The following DGKG variants were observed in gnomAD, a reference collection of about 807,000 sequenced individuals.
DGKG encodes the protein DAG kinase gamma.
DGKG carries 78 observed loss-of-function variants against 105.3 expected under a neutral mutation model. The ratio of observed to expected loss-of-function variants is 0.74; its 90% CI spans 0.62 to 0.89. The LOEUF is 0.89. Ranked by LOEUF, DGKG falls within the 40% of genes least tolerant of loss-of-function variation. DGKG has a pLI of 0.00. For synonymous variants in DGKG, 346 were observed against 367.1 expected (o/e 0.94, Z 0.66); for missense variants, 958 against 1,020.1 (o/e 0.94, Z 0.83).
At position 186,269,895 on chromosome 3, in the gene DGKG, G is replaced by T. The variant is rs539487421; in HGVS notation, c.1000-978C>A. On this transcript the variant is annotated intron_variant, in intron 11 of 24. Transcript: ENST00000265022. ...TGTCAGTGCGGCTAAAGCAAGAGCA[G>T]CTGGCTAGTAGCCCCACTGTCTGGG... Among the ~76,000 whole-genome samples the T allele has an allele frequency of 3.5e-4, 53 of 152,280 alleles. 1 individual carries two copies. Among genetic ancestry groups the T allele is most frequent in the Admixed American group, 2.4e-3 (36 of 15,300 alleles).
At chr3:186,214,489 G>T (rs1278147164) in intron 20 of DGKG, among the ~76,000 whole-genome samples, 1 of 152,120 alleles carries the variant, frequency 6.6e-6, no homozygotes, top group Non-Finnish European at 1.5e-5. Context: ...AGATAAGGAT[G>T]TGTAGCTATA....
intron 1 of DGKG, among the ~76,000 whole-genome samples, chr3:186,327,911 C>T (rs1350758063): frequency 6.6e-6 from 1 of 152,172 alleles, no homozygotes; most frequent in Non-Finnish European, 1.5e-5. Context: ...AAAGAGCTGT[C>T]TCCTTAGCTA....
chr3:186,346,622 A>G (rs1726342767), intron 1 of DGKG, among the ~76,000 whole-genome samples: 1 of 144,810 alleles, frequency 6.9e-6, no homozygotes, highest in African/African-American at 2.9e-5. Flanking sequence ...ACCTACATCA[A>G]ATTTCAAGAA....
chr3:186,344,508 CACTT>C (rs1245155672), intron 1 of DGKG, among the ~76,000 whole-genome samples: 4 of 152,190 alleles, frequency 2.6e-5, no homozygotes, highest in Non-Finnish European at 5.9e-5. Context: ...TACATGTTCT[CACTT>C]ACAAGTGGGA....
At chr3:186,270,495 G>T (rs748482568) in intron 11 of DGKG, among the ~76,000 whole-genome samples, 2 of 152,160 alleles carry the variant, frequency 1.3e-5, no homozygotes, top group Non-Finnish European at 2.9e-5. Context: ...GAATGTTTTT[G>T]GCAAAATTAT....
chr3:186,188,457 C>T lies in DGKG; in HGVS notation c.1918-78G>A, dbSNP rs1016792662. 10 of 1,267,368 alleles carry T rather than the reference C, an allele frequency of 7.9e-6. No homozygotes were observed. The African/African-American group carries it at 1.0e-4, about 13-fold the overall frequency. The allele number at this position is 1,267,368 out of a possible 1,614,324, so 78.5% of individuals were successfully genotyped here. The stretch of plus-strand genomic sequence containing the variant: ...CCAAGGTGCTCTGTGTGTGTGCGTG[C>T]GTGTGTGTGTGTGTACTCTCTTAAA... On this transcript the variant is annotated intron_variant, in intron 21 of 24. Transcript: ENST00000265022.
intron 24 of DGKG, chr3:186,160,369 T>G: frequency 1.0e-6 from 1 of 985,330 alleles, no homozygotes; most frequent in Non-Finnish European, 1.2e-6. Flanking sequence ...TAAAAGGAAC[T>G]TGGATAGATT....
chr3:186,310,605 A>T (rs928410854), intron 2 of DGKG, among the ~76,000 whole-genome samples: 1 of 152,190 alleles, frequency 6.6e-6, no homozygotes, highest in Non-Finnish European at 1.5e-5. Flanking sequence ...TCATCTTAAG[A>T]CAGAAAAGAA....
intron 1 of DGKG, among the ~76,000 whole-genome samples, chr3:186,351,583 T>C (rs1726632505): frequency 6.6e-6 from 1 of 152,238 alleles, no homozygotes; most frequent in Admixed American, 6.5e-5. Context: ...GAGAAGGGAA[T>C]GATCCCTTGG....
chr3:186,268,932 C>T lies in DGKG; in HGVS notation c.1000-15G>A, dbSNP rs751186704. The T allele has an allele frequency of 1.0e-5, 16 of 1,582,130 alleles. No homozygotes were observed. In the East Asian group the frequency reaches 1.1e-4, roughly 11 times the overall value. The stretch of plus-strand genomic sequence containing the variant: ...TGCTGCATCACCTGCGGGAGGGAAG[C>T]GAACGATGCCAGGGAAAATGGCAGA... On this transcript the variant is annotated splice_polypyrimidine_tract_variant and intron_variant, in intron 11 of 24. Coordinates refer to ENST00000265022, the MANE Select transcript of DGKG (RefSeq NM_001346.3).
At position 186,226,529 on chromosome 3, in the gene DGKG, A is replaced by C. The variant is rs182466569; in HGVS notation, c.1827-14644T>G. 6.6e-6 allele frequency among the ~76,000 whole-genome samples: 1 copy of C among 152,292 alleles called. No individual in the cohort carries two copies. The highest frequency in any genetic ancestry group is 1.5e-5 in the Non-Finnish European group (1 of 68,028). On this transcript the variant is annotated intron_variant, in intron 20 of 24. Transcript: ENST00000265022. This position sits in a 1 kb window ranked among gnomAD's most constrained non-coding sequence, Gnocchi z 4.2. ...AGAAGAGGAAAGGGGGAACCTGACT[A>C]ATTACAACACTCTGTTGAGAGCTCC...
rs182454696 is a variant in DGKG, at chr3:186,209,152, G to C, written c.1917+2643C>G. Among the ~76,000 whole-genome samples the C allele has an allele frequency of 1.3e-4, 18 of 140,236 alleles. No individual in the cohort carries two copies. The East Asian group carries it at 3.6e-3, about 28-fold the overall frequency. The allele number at this position is 140,236 out of a possible 152,430, so 92.0% of individuals were successfully genotyped here. A position where few individuals can be genotyped will look rare whatever the true frequency, so the allele number is the denominator to read the frequency against. On this transcript the variant is annotated intron_variant, in intron 21 of 24. Transcript: ENST00000265022. The stretch of plus-strand genomic sequence containing the variant: ...CTTTCTCTGTCTTGCGCAGGCTGGA[G>C]TGCAGTGGCACCATCTCAGCTCACT...
intron 5 of DGKG, 143 bp downstream of exon 5, chr3:186,297,278 G>T: frequency 1.5e-6 from 1 of 660,612 alleles, no homozygotes. Context: ...AGAGATGGAG[G>T]TTCTGAAGGC....
chr3:186,297,811 T>C (rs73058029), intron 4 of DGKG, among the ~76,000 whole-genome samples: 3,909 of 150,606 alleles, frequency 0.026, 173 homozygotes, highest in African/African-American at 0.085. Flanking sequence ...TTATTTTGTG[T>C]CTCCTCTTTC....
chr3:186,272,714 G>A (rs1011995457), intron 10 of DGKG, among the ~76,000 whole-genome samples: 7 of 152,116 alleles, frequency 4.6e-5, no homozygotes, highest in African/African-American at 1.7e-4. Flanking sequence ...TGAATAGAAA[G>A]GCCAGGGCTT....
intron 20 of DGKG, among the ~76,000 whole-genome samples, chr3:186,220,788 T>C (rs1168432910): frequency 3.9e-5 from 6 of 152,136 alleles, no homozygotes; most frequent in Non-Finnish European, 7.4e-5. Flanking sequence ...TCTGTACCCC[T>C]TCAAGGGTAA....
intron 3 of DGKG, among the ~76,000 whole-genome samples, chr3:186,302,648 C>A (rs867614193): frequency 1.4e-5 from 2 of 145,612 alleles, no homozygotes; most frequent in Non-Finnish European, 3.0e-5. Flanking sequence ...ATCTATATAT[C>A]TATATATCTT....
chr3:186,194,031 C>T (rs114994865), intron 21 of DGKG, among the ~76,000 whole-genome samples: 2,926 of 152,302 alleles, frequency 0.019, 82 homozygotes, highest in African/African-American at 0.067. Flanking sequence ...TGCCCGATGT[C>T]GGTCTTGGAA....
intron 1 of DGKG, among the ~76,000 whole-genome samples, chr3:186,358,586 T>C (rs1560172417): frequency 1.3e-5 from 2 of 151,834 alleles, no homozygotes; most frequent in Non-Finnish European, 2.9e-5. Context: ...CCTGAGGACA[T>C]TTTTTTTAAA....
Sources: gnomAD v4.1 joint callset for allele counts (sites outside exome capture counted in the v4.1 genomes callset) on GRCh38, gnomAD v4.1.1 for gene constraint, Gnocchi (gnomAD v3.1) non-coding constraint, MANE v1.5 for transcripts, NCBI Gene and HGNC (gene_info 2026-07-23, HGNC 2026-07-21) for gene names.